The following DMD variants were observed in gnomAD, a reference collection of about 807,000 sequenced individuals.
The protein encoded by DMD is dystrophin, also known as mutant dystrophin.
A neutral mutation model predicts 330.1 loss-of-function variants in DMD; 63 were observed. The observed-to-expected ratio is 0.19, with a 90% CI of 0.16 to 0.24. The LOEUF (loss-of-function observed/expected upper bound fraction) is 0.24. Ranked by LOEUF, DMD falls within the 10% of genes least tolerant of loss-of-function variation. The pLI, the probability that DMD is intolerant of heterozygous loss-of-function variation, is 1.00. For synonymous variants in DMD, 1,223 were observed against 959.8 expected (o/e 1.27, Z -5.07); for missense variants, 3,344 against 2,684.1 (o/e 1.25, Z -5.43).
intron 9 of DMD, among the ~76,000 whole-genome samples, chrX:32,683,139 C>T (rs2062559594): frequency 9.0e-6 from 1 of 111,348 alleles, no homozygotes; most frequent in Non-Finnish European, 1.9e-5. Context: ...ATTAGTAAAT[C>T]TCCAAACCAC....
chrX:32,072,979 A>T (rs913964186), intron 44 of DMD, among the ~76,000 whole-genome samples: 1 of 112,232 alleles, frequency 8.9e-6, no homozygotes, highest in East Asian at 2.8e-4. Flanking sequence ...AAATTAGCCC[A>T]TTATCAACCA....
chrX:31,255,922 T>C (rs1396372064), intron 63 of DMD, among the ~76,000 whole-genome samples: 1 of 109,236 alleles, frequency 9.2e-6, no homozygotes, highest in Non-Finnish European at 1.9e-5. Context: ...ATTACAGGCA[T>C]GTGCCACCAC....
chrX:33,329,238 T>G (rs2054134964), intron 1 of DMD, among the ~76,000 whole-genome samples: 1 of 111,711 alleles, frequency 9.0e-6, no homozygotes. Context: ...TGAGATACTA[T>G]AGTATAACAG....
intron 7 of DMD, among the ~76,000 whole-genome samples, chrX:32,735,429 T>C (rs1180916242): frequency 9.0e-6 from 1 of 110,857 alleles, no homozygotes; most frequent in Non-Finnish European, 1.9e-5. Flanking sequence ...AAAGTTGATA[T>C]GGAACCAAAA....
At chrX:32,734,869 C>G (rs1227021023) in intron 7 of DMD, among the ~76,000 whole-genome samples, 3 of 102,900 alleles carry the variant, frequency 2.9e-5, no homozygotes, top group Non-Finnish European at 5.9e-5. Context: ...CAGGGATGCC[C>G]TCTCTCACCA....
intron 64 of DMD, among the ~76,000 whole-genome samples, chrX:31,214,822 GGT>G (rs1394759474): frequency 9.1e-6 from 1 of 109,901 alleles, no homozygotes; most frequent in Non-Finnish European, 1.9e-5. Context: ...TGCATTGTGT[GGT>G]GTGTGTGTGT....
chrX:33,137,157 G>A (rs778067080), intron 1 of DMD, among the ~76,000 whole-genome samples: 2 of 110,967 alleles, frequency 1.8e-5, no homozygotes, highest in Non-Finnish European at 3.8e-5. Flanking sequence ...ATAGGTCAAT[G>A]CCATCTTTCG....
rs184972116 is a variant in DMD at position 31,447,420 on chromosome X, G to A, written c.8938-2793C>T. Among the ~76,000 whole-genome samples the A allele has an allele frequency of 5.2e-3, 566 of 109,500 alleles. 3 individuals carry two copies. Among genetic ancestry groups the A allele is most frequent in the African/African-American group, 0.014 (412 of 30,095 alleles). On this transcript the variant is annotated intron_variant, in intron 59 of 78. Coordinates refer to ENST00000357033, the MANE Select transcript of DMD (RefSeq NM_004006.3). ...CTCTCACAGCCTCAATAAAATGTTCGAGGTGCCTGTCAGTATGTGTGGACC... is the reference window on the plus strand; with the variant it reads ...CTCTCACAGCCTCAATAAAATGTTCAAGGTGCCTGTCAGTATGTGTGGACC...
chrX:32,102,546 A>G (rs1269935187), intron 44 of DMD, among the ~76,000 whole-genome samples: 1 of 111,069 alleles, frequency 9.0e-6, no homozygotes, highest in East Asian at 2.8e-4. Flanking sequence ...TAAAAATATT[A>G]TATCTATAAT....
chrX:33,144,476 A>T (rs1216981117), intron 1 of DMD, among the ~76,000 whole-genome samples: 1 of 112,139 alleles, frequency 8.9e-6, no homozygotes, highest in Admixed American at 9.5e-5. Context: ...GAGGTAATGA[A>T]TATTCCAATT....
At chrX:32,863,664 G>A (rs12015032) in intron 2 of DMD, among the ~76,000 whole-genome samples, 1,182 of 110,060 alleles carry the variant, frequency 0.011, 21 homozygotes, top group African/African-American at 0.037. Context: ...GAGAAGAAAA[G>A]TGATATTTAG....
intron 60 of DMD, among the ~76,000 whole-genome samples, chrX:31,366,470 CAAAAAAAAA>C (rs34216082): frequency 0.08 from 838 of 10,529 alleles, 2 homozygotes; most frequent in Middle Eastern, 0.5. Flanking sequence ...CTCTCTCTCT[CAAAAAAAAA>C]AAAAAAAAAA....
At chrX:32,735,554 G>T (rs1216666203) in intron 7 of DMD, among the ~76,000 whole-genome samples, 1 of 111,172 alleles carries the variant, frequency 9.0e-6, no homozygotes, top group African/African-American at 3.3e-5. Context: ...CATGGTACTG[G>T]TACCAAAACA....
chrX:32,618,524 G>C (rs749131711), intron 11 of DMD, among the ~76,000 whole-genome samples: 2 of 111,029 alleles, frequency 1.8e-5, no homozygotes, highest in South Asian at 7.7e-4. Context: ...TTGGAGGGTG[G>C]CAGAAGGAAA....
intron 76 of DMD, among the ~76,000 whole-genome samples, chrX:31,135,758 A>C (rs778155854): frequency 1.8e-5 from 2 of 112,755 alleles, no homozygotes; most frequent in South Asian, 7.3e-4. Flanking sequence ...ACAATCTTCC[A>C]ATAGTGAAAA....
chrX:31,229,349 G>C (rs1425476356), intron 63 of DMD, among the ~76,000 whole-genome samples: 1 of 111,877 alleles, frequency 8.9e-6, no homozygotes, highest in African/African-American at 3.2e-5. Flanking sequence ...ATCTCTGACT[G>C]AACTGAGGTC....
At chrX:31,298,855 T>A (rs979512182) in intron 62 of DMD, among the ~76,000 whole-genome samples, 1 of 111,842 alleles carries the variant, frequency 8.9e-6, no homozygotes, top group Non-Finnish European at 1.9e-5. Flanking sequence ...TTGCAATTTT[T>A]AAAAAAAATT....
chrX:31,455,539 G>A (rs12011057), intron 59 of DMD, among the ~76,000 whole-genome samples: 17,212 of 111,443 alleles, frequency 0.15, 1,309 homozygotes, highest in African/African-American at 0.29. Context: ...AGACTGCTTC[G>A]TAAACAGTTT....
At position 32,345,934 on chromosome X, in the gene DMD, C is replaced by A. The variant is rs200025478; in HGVS notation, c.5586+9G>T. 8.3e-7 allele frequency: 1 copy of A among 1,206,720 alleles called. No homozygotes were observed. Among genetic ancestry groups the A allele is most frequent in the East Asian group, 3.0e-5 (1 of 33,582 alleles). The stretch of plus-strand genomic sequence containing the variant: ...CAGGCAAGGTATATTATAATTTTAG[C>A]TCTAATACCTTGAGAGCATTATGTT... On this transcript the variant is annotated intron_variant, in intron 39 of 78. Coordinates refer to ENST00000357033, the MANE Select transcript of DMD (RefSeq NM_004006.3).
Sources: allele counts gnomAD v4.1 joint callset (sites outside exome capture counted in the v4.1 genomes callset), GRCh38; gene constraint gnomAD v4.1.1; transcripts MANE v1.5; gene names NCBI Gene and HGNC (gene_info 2026-07-23, HGNC 2026-07-21).